The following ACBD7 variants were observed in gnomAD, a reference collection of about 807,000 sequenced individuals.
ACBD7 encodes the protein acyl-CoA binding domain containing 7.
A neutral mutation model predicts 13.7 loss-of-function variants in ACBD7; 11 were observed. That is an observed-to-expected ratio of 0.80 (90% CI 0.50 to 1.33). ACBD7 has a LOEUF of 1.33. Among genes scored for constraint, ACBD7 ranks in the 40% most tolerant of loss-of-function variants. The pLI, the probability that ACBD7 is intolerant of heterozygous loss-of-function variation, is 0.00. For missense variants in ACBD7, 111 were observed against 103.0 expected (o/e 1.08, Z -0.33); for synonymous variants, 43 against 37.7 (o/e 1.14, Z -0.51).
At chr10:15,083,832 A>T (rs541843097) in intron 1 of ACBD7, among the ~76,000 whole-genome samples, 4 of 152,186 alleles carry the variant, frequency 2.6e-5, no homozygotes, top group African/African-American at 9.6e-5. Flanking sequence ...GCCCTCCCAG[A>T]GTTCATCTCA....
intron 1 of ACBD7, among the ~76,000 whole-genome samples, chr10:15,081,561 G>C (rs1264258338): frequency 1.3e-5 from 2 of 152,218 alleles, no homozygotes; most frequent in East Asian, 3.8e-4. Flanking sequence ...AGGCATATAA[G>C]CTCTGGAAAA....
rs1844669969 is a variant in ACBD7, at chr10:15,075,678, C to T, written c.*2852G>A. 6.6e-6 allele frequency among the ~76,000 whole-genome samples: 1 copy of T among 152,068 alleles called. No homozygotes were observed. The highest frequency in any genetic ancestry group is 2.1e-4 in the South Asian group (1 of 4,822). On this transcript the variant is annotated 3_prime_UTR_variant, in exon 4 of 4. Transcript: ENST00000356189. ...CATCCTTTGCGTCTATAAATGTTCCCTTTCAAGAATCCTGGCTGGACGCGG... is the reference window on the plus strand; with the variant it reads ...CATCCTTTGCGTCTATAAATGTTCCTTTTCAAGAATCCTGGCTGGACGCGG...
At chr10:15,081,605 G>T (rs1181053801) in intron 1 of ACBD7, among the ~76,000 whole-genome samples, 2 of 152,196 alleles carry the variant, frequency 1.3e-5, no homozygotes, top group Non-Finnish European at 2.9e-5. Flanking sequence ...GCAATAATTT[G>T]CAGTCCTTCT....
At chr10:15,086,955 G>T (rs1283895599) in intron 1 of ACBD7, among the ~76,000 whole-genome samples, 1 of 151,520 alleles carries the variant, frequency 6.6e-6, no homozygotes, top group Admixed American at 6.6e-5. Flanking sequence ...GGAGGTTGCG[G>T]TGAGCCAAGA....
At chr10:15,084,563 G>A (rs1299998487) in intron 1 of ACBD7, among the ~76,000 whole-genome samples, 1 of 152,198 alleles carries the variant, frequency 6.6e-6, no homozygotes, top group African/African-American at 2.4e-5. Context: ...AGCAGGCCGA[G>A]CACAGGGACT....
At position 15,076,857 on chromosome 10, in the gene ACBD7, G is replaced by A. The variant is rs961845432; in HGVS notation, c.*1673C>T. The A allele has an allele frequency of 1.3e-5, 13 of 985,174 alleles. No homozygotes were observed. In the South Asian group the frequency reaches 3.3e-4, roughly 25 times the overall value. The allele number at this position is 985,174 out of a possible 1,614,324, so 61.0% of individuals were successfully genotyped here. ...ATTTCACCAGTAACATTAACTTATT[G>A]TAACAGAACAGATGAGCCAAAAGAA... is the stretch of plus-strand genomic sequence containing the variant. On this transcript the variant is annotated 3_prime_UTR_variant, in exon 4 of 4. Transcript: ENST00000356189.
chr10:15,084,718 A>C (rs1295054518), intron 1 of ACBD7, among the ~76,000 whole-genome samples: 3 of 152,192 alleles, frequency 2.0e-5, no homozygotes, highest in Non-Finnish European at 4.4e-5. Flanking sequence ...GCAAATAAAG[A>C]CTTGGCTCAC....
In ACBD7 at chr10:15,078,580, T is replaced by C; in HGVS notation, c.217A>G (p.Ser73Gly). ...TCCTTTGCTTTAGAAATATAGGCAC[T>C]CGTCGCATCTTCCGTCGACAACCCT... is the stretch of plus-strand genomic sequence containing the variant. ...KKGLSTEDAT[S>G]AYISKAKELI... is the part of the protein sequence containing the mutation. The change falls in exon 4 of 4, where the codon AGT becomes GGT. Residue 73 changes from serine to glycine, a missense_variant. By Grantham distance (56) the Ser-to-Gly change is moderately conservative. Coordinates refer to ENST00000356189, the MANE Select transcript of ACBD7 (RefSeq NM_001039844.3). 2 of 1,614,200 alleles carry C rather than the reference T, an allele frequency of 1.2e-6. No homozygotes were observed. Among genetic ancestry groups the C allele is most frequent in the Non-Finnish European group, 1.7e-6 (2 of 1,180,042 alleles).
intron 1 of ACBD7, among the ~76,000 whole-genome samples, chr10:15,081,195 G>A (rs577821323): frequency 6.6e-6 from 1 of 151,658 alleles, no homozygotes; most frequent in African/African-American, 2.4e-5. Flanking sequence ...ACTAAAAGCA[G>A]AAAGAGCAAG....
chr10:15,080,521 A>G (rs890259586), intron 1 of ACBD7, among the ~76,000 whole-genome samples: 4 of 151,908 alleles, frequency 2.6e-5, no homozygotes, highest in African/African-American at 7.3e-5. Context: ...CGGAGGTTGC[A>G]GTGAGCTGAA....
At chr10:15,081,125 C>G (rs575212829) in intron 1 of ACBD7, among the ~76,000 whole-genome samples, 1 of 152,280 alleles carries the variant, frequency 6.6e-6, no homozygotes, top group South Asian at 2.1e-4. Flanking sequence ...TCCCTAATGG[C>G]TAAACAGGCA....
chr10:15,088,082 T>A (rs1844829828), intron 1 of ACBD7, among the ~76,000 whole-genome samples: 2 of 137,770 alleles, frequency 1.5e-5, no homozygotes, highest in South Asian at 2.1e-4. Context: ...CGTGTAGGAA[T>A]AAAACTATAT....
chr10:15,084,928 A>G (rs1283664940), intron 1 of ACBD7, among the ~76,000 whole-genome samples: 1 of 134,174 alleles, frequency 7.5e-6, no homozygotes, highest in Non-Finnish European at 1.5e-5. Flanking sequence ...AGGTGTGGAA[A>G]GTTGGGGTTT....
chr10:15,088,723 G>T lies in ACBD7; in HGVS notation c.6C>A (p.Ala2=). ...CTCCCCGCGCCCCGGGTACCTGCAG[G>T]GCCATGGTGGCGGCTGCCGCGTTGT... M[A]LQADFDRAAE... The change falls in exon 1 of 4, where the codon GCC becomes GCA. Residue 2 remains alanine, a synonymous_variant. Coordinates refer to ENST00000356189, the MANE Select transcript of ACBD7 (RefSeq NM_001039844.3). The T allele has an allele frequency of 6.3e-7, 1 of 1,598,710 alleles. No homozygotes were observed. Among genetic ancestry groups the T allele is most frequent in the Non-Finnish European group, 8.5e-7 (1 of 1,175,766 alleles).
rs766386216 is a variant in ACBD7, at chr10:15,088,708, C to T, written c.12+9G>A. On this transcript the variant is annotated intron_variant, in intron 1 of 3. Coordinates refer to ENST00000356189, the MANE Select transcript of ACBD7 (RefSeq NM_001039844.3). ...CCCCTCCCGCGTGGCCTCCCCGCGC[C>T]CCGGGTACCTGCAGGGCCATGGTGG... 1.7e-5 allele frequency: 27 copies of T among 1,597,530 alleles called. No homozygotes were observed. Among genetic ancestry groups the T allele is most frequent in the South Asian group, 2.2e-5 (2 of 89,796 alleles).
In ACBD7 at chr10:15,076,259, C is replaced by G. The variant is rs1844680606; in HGVS notation, c.*2271G>C. 5 of 985,148 alleles carry G rather than the reference C, an allele frequency of 5.1e-6. No individual in the cohort carries two copies. The highest frequency in any genetic ancestry group is 6.0e-6 in the Non-Finnish European group (5 of 829,914). 61.0% of individuals were successfully genotyped at this position (985,148 alleles called of 1,614,324 possible). On this transcript the variant is annotated 3_prime_UTR_variant, in exon 4 of 4. Coordinates refer to ENST00000356189, the MANE Select transcript of ACBD7 (RefSeq NM_001039844.3). Reference sequence around the variant, plus strand: ...TTTTGAATTGTTAACATGAGACTGTCTTCTTTCAAAGAGCCTGTGTACCAT... The same window carrying G: ...TTTTGAATTGTTAACATGAGACTGTGTTCTTTCAAAGAGCCTGTGTACCAT...
At position 15,075,951 on chromosome 10, in the gene ACBD7, G is replaced by A. The variant is rs1356945567; in HGVS notation, c.*2579C>T. ...AGCGTGCCACTGCGCTCCAGCCTGG[G>A]TAACAGAGTGACAGCCTGTCTCAAC... On this transcript the variant is annotated 3_prime_UTR_variant, in exon 4 of 4. Coordinates refer to ENST00000356189, the MANE Select transcript of ACBD7 (RefSeq NM_001039844.3). 2.8e-6 allele frequency: 1 copy of A among 361,354 alleles called. No individual in the cohort carries two copies. Among genetic ancestry groups the A allele is most frequent in the Non-Finnish European group, 3.8e-6 (1 of 265,732 alleles). 22.4% of individuals were successfully genotyped at this position (361,354 alleles called of 1,614,324 possible).
intron 1 of ACBD7, among the ~76,000 whole-genome samples, chr10:15,082,606 G>C (rs1844762839): frequency 6.6e-6 from 1 of 152,172 alleles, no homozygotes; most frequent in Admixed American, 6.5e-5. Flanking sequence ...CAGAAGGGGT[G>C]TAGGACCTTC....
rs1430982060 is a variant in ACBD7 at position 15,075,536 on chromosome 10, A to C, written c.*2994T>G. Among the ~76,000 whole-genome samples, 1 of 152,182 alleles carries C rather than the reference A, an allele frequency of 6.6e-6. No homozygotes were observed. Among genetic ancestry groups the C allele is most frequent in the African/African-American group, 2.4e-5 (1 of 41,454 alleles). ...ATGCAAAACTATAGTATAATATCAC[A>C]ATCAGCATATTGGTGTTGCTACAAT... On this transcript the variant is annotated 3_prime_UTR_variant, in exon 4 of 4. Coordinates refer to ENST00000356189, the MANE Select transcript of ACBD7 (RefSeq NM_001039844.3).
Sources: gnomAD v4.1 joint callset for allele counts (sites outside exome capture counted in the v4.1 genomes callset) on GRCh38, gnomAD v4.1.1 for gene constraint, MANE v1.5 for transcripts, NCBI Gene and HGNC (gene_info 2026-07-23, HGNC 2026-07-21) for gene names.